The following NME6 variants were observed in gnomAD, a reference collection of about 807,000 sequenced individuals.
NME6 encodes the protein nucleoside diphosphate kinase 6, mitochondrial.
Under a neutral mutation model 22.2 loss-of-function variants are expected in NME6, and 16 were observed. The ratio of observed to expected loss-of-function variants is 0.72; its 90% CI spans 0.49 to 1.09. The LOEUF is 1.09. Among genes scored for constraint, NME6 ranks in the 50% least tolerant of loss-of-function variants. NME6 has a pLI of 0.00. For missense variants in NME6, 229 were observed against 239.0 expected, an observed-to-expected ratio of 0.96 and a Z score of 0.28; for synonymous variants, 58 against 85.2, an observed-to-expected ratio of 0.68 and a Z score of 1.76.
chr3:48,299,146 A>T, intron 1 of NME6: 1 of 523,878 alleles, frequency 1.9e-6, no homozygotes, highest in Non-Finnish European at 3.4e-6. Flanking sequence ...TCAACACACA[A>T]CTCCAACATC....
chr3:48,295,099 TGTCA>T lies in NME6; in HGVS notation c.366_369del (p.Asp123ProfsTer54), dbSNP rs1559998846. 1 of 1,613,916 alleles carries T rather than the reference TGTCA, an allele frequency of 6.2e-7. No homozygotes were observed. On this transcript the variant is annotated frameshift_variant, in exon 5 of 6. Coordinates refer to ENST00000442597, the MANE Select transcript of NME6 (RefSeq NM_001308426.2). LOFTEE classifies it high-confidence loss of function. Reference sequence around the variant, plus strand: ...CCCGAACCATGGGTGGTGTTGCGGGTGTCAGTGAGGCCGAAACTCCCACGGATAG... The same window carrying T: ...CCCGAACCATGGGTGGTGTTGCGGGTGTGAGGCCGAAACTCCCACGGATAG...
chr3:48,295,803 C>A, intron 4 of NME6: 1 of 408,762 alleles, frequency 2.4e-6, no homozygotes, highest in Admixed American at 4.0e-5. Flanking sequence ...TCAACCTCCA[C>A]CTCCCAGGTT....
At position 48,301,361 on chromosome 3, in the gene NME6, C is replaced by T. The variant is rs1373024948; in HGVS notation, c.-16G>A. On this transcript the variant is annotated 5_prime_UTR_variant, in exon 1 of 6. Transcript: ENST00000442597. ...TCCGGCTGCGGGTTCACCTTGTCCT[C>T]CGGCACAGGGCCCGGCCACCAGGCG... The T allele has an allele frequency of 1.3e-6, 2 of 1,560,094 alleles. No homozygotes were observed.
Position 48,295,248 on chromosome 3 carries a change from C to G in NME6, c.234-13G>C. 6.2e-7 allele frequency: 1 copy of G among 1,606,344 alleles called. No individual in the cohort carries two copies. Among genetic ancestry groups the G allele is most frequent in the Non-Finnish European group, 8.5e-7 (1 of 1,174,848 alleles). ...TCGGATTGGCCCGCTGTGAACAAAA[C>G]AAGCACATGTAAAGAACCTGGCCAT... On this transcript the variant is annotated splice_polypyrimidine_tract_variant and intron_variant, in intron 4 of 5. Transcript: ENST00000442597.
chr3:48,289,146 C>A (rs941677556), downstream of NME6, among the ~76,000 whole-genome samples: 4 of 151,916 alleles, frequency 2.6e-5, no homozygotes, highest in African/African-American at 9.7e-5. Context: ...CTCACCGCAA[C>A]CTCCGTCTCC....
Position 48,296,650 on chromosome 3 carries a change from A to G in NME6, c.193+77T>C. ...CGGTTGGTAGGTCAGAGAGCCTGCC[A>G]TTGTGTTCCAGGTAAAATCTCTCTT... On this transcript the variant is annotated intron_variant, in intron 3 of 5. Transcript: ENST00000442597. The G allele has an allele frequency of 4.0e-6, 4 of 1,003,306 alleles. No homozygotes were observed. The South Asian group carries it at 5.8e-5, about 15-fold the overall frequency. The allele number at this position is 1,003,306 out of a possible 1,614,324, so 62.2% of individuals were successfully genotyped here. A position where few individuals can be genotyped will look rare whatever the true frequency, so the allele number is the denominator to read the frequency against.
chr3:48,301,359 C>G lies in NME6; in HGVS notation c.-14G>C. On this transcript the variant is annotated 5_prime_UTR_variant, in exon 1 of 6. Transcript: ENST00000442597. ...AGTCCGGCTGCGGGTTCACCTTGTC[C>G]TCCGGCACAGGGCCCGGCCACCAGG... 6.4e-7 allele frequency: 1 copy of G among 1,561,436 alleles called. No individual in the cohort carries two copies. Among genetic ancestry groups the G allele is most frequent in the South Asian group, 1.2e-5 (1 of 84,822 alleles).
In NME6 at chr3:48,298,475, A is replaced by G; in HGVS notation, c.42T>C (p.Thr14=). 6.2e-7 allele frequency: 1 copy of G among 1,613,224 alleles called. No individual in the cohort carries two copies. The highest frequency in any genetic ancestry group is 8.5e-7 in the Non-Finnish European group (1 of 1,179,566). Reference sequence around the variant, plus strand: ...CTGCGTCAGGCTTGATCAGGGCTAGAGTGAGCTGGAGAGCCTGAGGGCTTC... The same window carrying G: ...CTGCGTCAGGCTTGATCAGGGCTAGGGTGAGCTGGAGAGCCTGAGGGCTTC... ...ILRSPQALQL[T]LALIKPDAVA... Residue 14 remains threonine, a synonymous_variant, in exon 2 of 6, where the codon ACT becomes ACC. Coordinates refer to ENST00000442597, the MANE Select transcript of NME6 (RefSeq NM_001308426.2).
chr3:48,292,697 G>A lies in NME6; in HGVS notation c.*1940C>T, dbSNP rs980932621. 6.6e-5 allele frequency: 10 copies of A among 152,012 alleles called. No homozygotes were observed. The highest frequency in any genetic ancestry group is 1.7e-4 in the African/African-American group (7 of 41,358). The allele number at this position is 152,012 out of a possible 1,614,324, so 9.4% of individuals were successfully genotyped here. A position where few individuals can be genotyped will look rare whatever the true frequency, so the allele number is the denominator to read the frequency against. On this transcript the variant is annotated 3_prime_UTR_variant, in exon 6 of 6. Coordinates refer to ENST00000442597, the MANE Select transcript of NME6 (RefSeq NM_001308426.2). ...TCCCGAGTAGCTGGATTACAGGCTC[G>A]CGCCACCACGCTTGGCTAATTTTTG...
In NME6 at chr3:48,298,352, C is replaced by T. The variant is rs2035325722; in HGVS notation, c.90+75G>A. On this transcript the variant is annotated intron_variant, in intron 2 of 5. Coordinates refer to ENST00000442597, the MANE Select transcript of NME6 (RefSeq NM_001308426.2). Reference sequence around the variant, plus strand: ...AGCACAAGTCTGTGTTGTCAGTCACCATAAATGGCCCAATGGCACCTGAAG... The same window carrying T: ...AGCACAAGTCTGTGTTGTCAGTCACTATAAATGGCCCAATGGCACCTGAAG... The T allele has an allele frequency of 1.3e-5, 17 of 1,287,386 alleles. No homozygotes were observed. The South Asian group carries it at 2.1e-4, about 16-fold the overall frequency. 79.7% of individuals were successfully genotyped at this position (1,287,386 alleles called of 1,614,324 possible).
Position 48,301,340 on chromosome 3 carries a change from G to A in NME6, c.-8+13C>T, listed in dbSNP as rs774714413. 1.9e-6 allele frequency: 3 copies of A among 1,573,908 alleles called. No homozygotes were observed. Among genetic ancestry groups the A allele is most frequent in the Non-Finnish European group, 2.6e-6 (3 of 1,159,766 alleles). On this transcript the variant is annotated intron_variant, in intron 1 of 5. Coordinates refer to ENST00000442597, the MANE Select transcript of NME6 (RefSeq NM_001308426.2). ...GGAGCCCCAGTGCAGCAGAAGTCCG[G>A]CTGCGGGTTCACCTTGTCCTCCGGC...
At chr3:48,296,955 T>C (rs576380627) in intron 2 of NME6, 126 bp from the exon 3 acceptor site, 3 of 668,494 alleles carry the variant, frequency 4.5e-6, no homozygotes, top group South Asian at 1.9e-5. Context: ...GAAGACGAGG[T>C]GGGGTGAGGT....
At chr3:48,291,399 T>C (rs1360862641), downstream of NME6, 1 of 398,152 alleles carries the variant, frequency 2.5e-6, no homozygotes, top group Non-Finnish European at 4.9e-6. Flanking sequence ...TCTTATTTTT[T>C]TAAGACAGGG....
chr3:48,296,333 A>G (rs1035141774), intron 3 of NME6, 175 bp from the exon 4 acceptor site: 3 of 831,598 alleles, frequency 3.6e-6, no homozygotes, highest in Non-Finnish European at 5.8e-6. Context: ...CAACCTGCGT[A>G]GTTTTGGGTA....
chr3:48,287,786 A>G (rs748555049), downstream of NME6, among the ~76,000 whole-genome samples: 1 of 152,078 alleles, frequency 6.6e-6, no homozygotes, highest in Non-Finnish European at 1.5e-5. Flanking sequence ...GTTCATCCTA[A>G]CAAGAAGGAA....
At chr3:48,295,654 G>T (rs1322668397) in intron 4 of NME6, 2 of 240,782 alleles carry the variant, frequency 8.3e-6, no homozygotes, top group African/African-American at 4.6e-5. Flanking sequence ...TGATTCTCCT[G>T]CCTCAGCTTC....
chr3:48,301,112 G>C (rs2035651559), intron 1 of NME6, among the ~76,000 whole-genome samples: 1 of 151,836 alleles, frequency 6.6e-6, no homozygotes, highest in African/African-American at 2.4e-5. Flanking sequence ...GCCACCACTC[G>C]CTTCCTGGAG....
At position 48,293,354 on chromosome 3, in the gene NME6, G is replaced by A. The variant is rs192442634; in HGVS notation, c.*1283C>T. 8 of 152,322 alleles carry A rather than the reference G, an allele frequency of 5.3e-5. No individual in the cohort carries two copies. The East Asian group carries it at 1.5e-3, about 29-fold the overall frequency. 9.4% of individuals were successfully genotyped at this position (152,322 alleles called of 1,614,324 possible). A position where few individuals can be genotyped will look rare whatever the true frequency, so the allele number is the denominator to read the frequency against. On this transcript the variant is annotated 3_prime_UTR_variant, in exon 6 of 6. Transcript: ENST00000442597. ...ACCATTAGTGAAAGTGGCAGATGGT[G>A]AAGGCAATTTTCAACTCAAAGGTTT...
At chr3:48,301,314 C>A (rs2035685047) in intron 1 of NME6, 39 bp downstream of exon 1, 2 of 1,593,224 alleles carry the variant, frequency 1.3e-6, no homozygotes, top group African/African-American at 1.3e-5. Context: ...CTGGGTCATT[C>A]GGAGCCCCAG....
Sources: gnomAD v4.1 joint callset for allele counts (sites outside exome capture counted in the v4.1 genomes callset) on GRCh38, gnomAD v4.1.1 for gene constraint, MANE v1.5 for transcripts, NCBI Gene and HGNC (gene_info 2026-07-23, HGNC 2026-07-21) for gene names.